SHROOM3: variants seen among roughly 807,000 people sequenced by gnomAD.
SHROOM3 encodes shroom family member 3, also known as protein Shroom3.
Under a neutral mutation model 138.6 loss-of-function variants are expected in SHROOM3, and 47 were observed. That is an observed-to-expected ratio of 0.34 (90% CI 0.27 to 0.43). The LOEUF (loss-of-function observed/expected upper bound fraction) is 0.43. Among genes scored for constraint, SHROOM3 ranks in the 20% least tolerant of loss-of-function variants. The probability of loss-of-function intolerance (pLI) is 1.00; values close to 1 mark genes in which losing one functional copy is unlikely to be tolerated. For synonymous variants in SHROOM3, 1,062 were observed against 1,063.3 expected, an observed-to-expected ratio of 1.00 and a Z score of 0.02; for missense variants, 2,491 against 2,596.5, an observed-to-expected ratio of 0.96 and a Z score of 0.88.
chr4:76,695,820 G>A (rs1227589504), intron 2 of SHROOM3, among the ~76,000 whole-genome samples: 7 of 152,218 alleles, frequency 4.6e-5, no homozygotes, highest in African/African-American at 1.7e-4. Context: ...TAGGCAGCCA[G>A]AATCTCAGGA....
intron 1 of SHROOM3, among the ~76,000 whole-genome samples, chr4:76,500,198 C>T (rs1318754217): frequency 1.3e-5 from 2 of 152,096 alleles, no homozygotes; most frequent in Non-Finnish European, 2.9e-5. Flanking sequence ...TGCTCGGGGA[C>T]CCAGGATGCT....
At chr4:76,624,077 A>C (rs1735065763) in intron 2 of SHROOM3, among the ~76,000 whole-genome samples, 1 of 152,216 alleles carries the variant, frequency 6.6e-6, no homozygotes, top group Non-Finnish European at 1.5e-5. Flanking sequence ...ATATCCGCTT[A>C]TGTTGGAGAG....
At position 76,739,455 on chromosome 4, in the gene SHROOM3, A is replaced by T; in HGVS notation, c.1282A>T (p.Ile428Leu). The change falls in exon 5 of 11, where the codon ATA (isoleucine) becomes TTA (leucine). Residue 428 changes from isoleucine to leucine, a missense_variant. Ile to Leu is a conservative substitution (Grantham distance 5, BLOSUM62 2). Around this residue, in one of 4 missense-constraint regions of SHROOM3, gnomAD observed 1,733 missense variants for 1,661.6 expected, o/e 1.04. Transcript: ENST00000296043. ...TTTAGGCTCCCTGAAGTCTCCATTC[A>T]TAGAGGAGCAGCTGCATACTGTGCT... Reference protein sequence around the residue: ...NSLGSLKSPFIEEQLHTVLEK... With the variant: ...NSLGSLKSPFLEEQLHTVLEK... 2 of 1,614,148 alleles carry T rather than the reference A, an allele frequency of 1.2e-6. No homozygotes were observed. The highest frequency in any genetic ancestry group is 1.7e-6 in the Non-Finnish European group (2 of 1,180,026).
rs1014625688 is a variant in SHROOM3 at position 76,718,600 on chromosome 4, A to G, written c.455+8313A>G. Among the ~76,000 whole-genome samples the G allele has an allele frequency of 1.3e-5, 2 of 152,106 alleles. 1 individual carries two copies. Among genetic ancestry groups the G allele is most frequent in the South Asian group, 4.1e-4 (2 of 4,820 alleles). On this transcript the variant is annotated intron_variant, in intron 3 of 10. Transcript: ENST00000296043. ...TCTTATTGCCTCTAATTTCTTACTT[A>G]TGGCCTTTTCCTTTAAATGAAGAGG...
intron 2 of SHROOM3, among the ~76,000 whole-genome samples, chr4:76,690,962 T>C (rs1270958649): frequency 1.3e-5 from 2 of 152,224 alleles, no homozygotes; most frequent in African/African-American, 2.4e-5. Context: ...TTATTCACAT[T>C]GCCCATGAGT....
chr4:76,435,347 A>G lies in SHROOM3; in HGVS notation c.-706A>G, dbSNP rs1294834774. ...CTTCATATTTTTTCCATTGAGGATT[A>G]ATTTACCGTGCTTTTTCATTTTCTC... On this transcript the variant is annotated 5_prime_UTR_variant, in exon 1 of 11. Transcript: ENST00000296043. The G allele has an allele frequency of 6.6e-6, 1 of 152,194 alleles. No individual in the cohort carries two copies. Among genetic ancestry groups the G allele is most frequent in the Non-Finnish European group, 1.5e-5 (1 of 68,034 alleles). The allele number at this position is 152,194 out of a possible 1,614,324, so 9.4% of individuals were successfully genotyped here. A position where few individuals can be genotyped will look rare whatever the true frequency, so the allele number is the denominator to read the frequency against.
rs577086029 is a variant in SHROOM3, at chr4:76,615,464, G to T, written c.323+59701G>T. Among the ~76,000 whole-genome samples, 3 of 152,320 alleles carry T rather than the reference G, an allele frequency of 2.0e-5. No homozygotes were observed. In the South Asian group the frequency reaches 6.2e-4, roughly 32 times the overall value. ...TCAGAGGACCCGCTGGAGGAATGCA[G>T]CGTTGTGCCTCTCCCCATTTATCAT... On this transcript the variant is annotated intron_variant, in intron 2 of 10. Transcript: ENST00000296043.
intron 2 of SHROOM3, among the ~76,000 whole-genome samples, chr4:76,582,941 A>T (rs914574798): frequency 7.9e-5 from 12 of 152,342 alleles, no homozygotes; most frequent in African/African-American, 2.2e-4. Context: ...TCTTCCAACA[A>T]GAATGGCCTA....
intron 1 of SHROOM3, among the ~76,000 whole-genome samples, chr4:76,539,182 T>A (rs1320174234): frequency 6.6e-6 from 1 of 152,222 alleles, no homozygotes; most frequent in East Asian, 1.9e-4. Flanking sequence ...TTAAATAACA[T>A]GTGTGTGTCA....
intron 2 of SHROOM3, among the ~76,000 whole-genome samples, chr4:76,649,635 C>A (rs983738544): frequency 7.9e-5 from 12 of 152,130 alleles, no homozygotes; most frequent in African/African-American, 2.7e-4. Context: ...AAGGATAACT[C>A]TAAAAAATCA....
In SHROOM3 at chr4:76,637,529, T is replaced by C. The variant is rs555515983; in HGVS notation, c.324-72627T>C. On this transcript the variant is annotated intron_variant, in intron 2 of 10. Transcript: ENST00000296043. ...CTTTTCTCTTTTTTCCTGTGTGAAA[T>C]TCAGTGTTTCCTTTATAATTTTTTG... 7.2e-5 allele frequency: 11 copies of C among 152,294 alleles called. No homozygotes were observed. In the East Asian group the frequency reaches 2.1e-3, roughly 29 times the overall value. The allele number at this position is 152,294 out of a possible 1,614,324, so 9.4% of individuals were successfully genotyped here.
At chr4:76,670,839 G>T (rs78144031) in intron 2 of SHROOM3, among the ~76,000 whole-genome samples, 193 of 152,272 alleles carry the variant, frequency 1.3e-3, no homozygotes, top group Non-Finnish European at 1.9e-3. Context: ...TGTGGTCTCA[G>T]ATACTTGGGA....
At chr4:76,495,142 A>C (rs1407343487) in intron 1 of SHROOM3, among the ~76,000 whole-genome samples, 1 of 152,208 alleles carries the variant, frequency 6.6e-6, no homozygotes, top group Non-Finnish European at 1.5e-5. Flanking sequence ...CACGCAGTAC[A>C]CTGAGGACTT....
chr4:76,756,401 CTCTT>C lies in SHROOM3; in HGVS notation c.4710-44_4710-41del, dbSNP rs754984967. 1.1e-4 allele frequency: 166 copies of C among 1,536,696 alleles called. No individual in the cohort carries two copies. In the East Asian group the frequency reaches 3.4e-3, roughly 32 times the overall value. ...ATCATCACCCTTCTCTTATCACTCT[CTCTT>C]TCTCTCTCTCTCTTTTTTTTTTTTT... is the stretch of plus-strand genomic sequence containing the variant. On this transcript the variant is annotated intron_variant, in intron 7 of 10. Transcript: ENST00000296043.
At chr4:76,443,411 A>G (rs1320614784) in intron 1 of SHROOM3, among the ~76,000 whole-genome samples, 5 of 152,250 alleles carry the variant, frequency 3.3e-5, no homozygotes, top group Non-Finnish European at 5.9e-5. Context: ...AGGCATAATG[A>G]GAGACTTTCT....
At chr4:76,499,575 C>T (rs1369234953) in intron 1 of SHROOM3, among the ~76,000 whole-genome samples, 1 of 152,056 alleles carries the variant, frequency 6.6e-6, no homozygotes, top group Non-Finnish European at 1.5e-5. Context: ...AGAGTTAGTT[C>T]AAAAATAAGA....
intron 5 of SHROOM3, among the ~76,000 whole-genome samples, chr4:76,742,766 A>AT (rs1721303234): frequency 6.6e-6 from 1 of 152,130 alleles, no homozygotes; most frequent in Non-Finnish European, 1.5e-5. Context: ...GGCCTGCCTC[A>AT]TGCTTCCCTT....
chr4:76,740,475 G>T lies in SHROOM3; in HGVS notation c.2302G>T (p.Ala768Ser). The change falls in exon 5 of 11, where the codon GCT becomes TCT. Residue 768 changes from alanine to serine, a missense_variant. Physicochemically the swap from Ala to Ser is moderately conservative, Grantham distance 99 (BLOSUM62 1). This residue lies in a region of SHROOM3 where 1,733 missense variants were observed against 1,661.6 expected (regional missense o/e 1.04). Coordinates refer to ENST00000296043, the MANE Select transcript of SHROOM3 (RefSeq NM_020859.4). The surrounding 1 kb of genome is among the most constrained non-coding windows in gnomAD (Gnocchi z 4.0). Reference sequence around the variant, plus strand: ...GGGGCCCGGCCCAGGCAGCGCCTCGGCTCTTCAGGGCTTTCAGTACGGGAA... The same window carrying T: ...GGGGCCCGGCCCAGGCAGCGCCTCGTCTCTTCAGGGCTTTCAGTACGGGAA... ...RRGPGPGSAS[A>S]LQGFQYGKPH... 1.2e-6 allele frequency: 2 copies of T among 1,611,916 alleles called. No individual in the cohort carries two copies. The highest frequency in any genetic ancestry group is 1.7e-6 in the Non-Finnish European group (2 of 1,178,708).
chr4:76,630,060 T>C (rs1179235835), intron 2 of SHROOM3, among the ~76,000 whole-genome samples: 1 of 149,570 alleles, frequency 6.7e-6, no homozygotes, highest in Non-Finnish European at 1.5e-5. Context: ...TTGACTTTTA[T>C]TGTCTTTTAA....
Sources: allele counts gnomAD v4.1 joint callset (sites outside exome capture counted in the v4.1 genomes callset), GRCh38; gene constraint gnomAD v4.1.1; regional missense constraint gnomAD v4.1.1; non-coding constraint Gnocchi (gnomAD v3.1); transcripts MANE v1.5; gene names NCBI Gene and HGNC (gene_info 2026-07-23, HGNC 2026-07-21).